Variants in KCNQ5 observed in about 807,000 individuals in gnomAD.
The protein encoded by KCNQ5 is potassium voltage-gated channel subfamily KQT member 5.
A neutral mutation model predicts 98.2 loss-of-function variants in KCNQ5; 30 were observed. The observed-to-expected ratio is 0.31, with a 90% CI of 0.23 to 0.41. The LOEUF (loss-of-function observed/expected upper bound fraction) is 0.41. Ranked by LOEUF, KCNQ5 falls within the 10% of genes least tolerant of loss-of-function variation. The probability of loss-of-function intolerance (pLI) is 1.00; values close to 1 mark genes in which losing one functional copy is unlikely to be tolerated. For missense variants in KCNQ5, 835 were observed against 1,182.5 expected (o/e 0.71, Z 4.31); for synonymous variants, 458 against 449.4 (o/e 1.02, Z -0.24).
chr6:72,757,137 T>C (rs1772012381), intron 1 of KCNQ5, among the ~76,000 whole-genome samples: 1 of 152,162 alleles, frequency 6.6e-6, no homozygotes, highest in South Asian at 2.1e-4. Flanking sequence ...TGGATTAATA[T>C]AAAGACAAAT....
intron 1 of KCNQ5, among the ~76,000 whole-genome samples, chr6:72,953,134 G>A (rs767197363): frequency 6.4e-4 from 98 of 152,276 alleles, no homozygotes; most frequent in Non-Finnish European, 1.1e-3. Flanking sequence ...ACCACATAGT[G>A]AAACAGACTT....
At chr6:73,083,794 A>C (rs1773873422) in intron 5 of KCNQ5, among the ~76,000 whole-genome samples, 2 of 152,228 alleles carry the variant, frequency 1.3e-5, no homozygotes, top group Non-Finnish European at 2.9e-5. Context: ...AGAGAATAAC[A>C]AGGCTGTCTC....
intron 1 of KCNQ5, among the ~76,000 whole-genome samples, chr6:72,684,357 T>C (rs1416894874): frequency 6.6e-6 from 1 of 152,130 alleles, no homozygotes; most frequent in East Asian, 1.9e-4. Flanking sequence ...TGTAGTAGAG[T>C]GAGAGCCTAC....
intron 1 of KCNQ5, among the ~76,000 whole-genome samples, chr6:72,670,770 A>G (rs1205808534): frequency 3.3e-5 from 5 of 152,138 alleles, no homozygotes; most frequent in African/African-American, 7.2e-5. Flanking sequence ...TTATAAGGAC[A>G]TGAATCTTAT....
intron 9 of KCNQ5, among the ~76,000 whole-genome samples, chr6:73,128,073 A>C (rs1776062842): frequency 6.6e-6 from 1 of 152,160 alleles, no homozygotes; most frequent in Non-Finnish European, 1.5e-5. Context: ...TCAAAAAATA[A>C]AAAATAAAAT....
At chr6:73,068,903 A>G (rs1186441638) in intron 3 of KCNQ5, among the ~76,000 whole-genome samples, 1 of 152,210 alleles carries the variant, frequency 6.6e-6, no homozygotes, top group Non-Finnish European at 1.5e-5. Context: ...AGTTATTCAC[A>G]TTGTTAATGG....
At chr6:73,170,669 C>T (rs1350680788) in intron 11 of KCNQ5, among the ~76,000 whole-genome samples, 1 of 152,072 alleles carries the variant, frequency 6.6e-6, no homozygotes, top group Non-Finnish European at 1.5e-5. Flanking sequence ...TGCAGTGCCT[C>T]ATGCCTGTAA....
intron 1 of KCNQ5, among the ~76,000 whole-genome samples, chr6:72,940,923 C>G (rs1286286545): frequency 6.6e-6 from 1 of 152,014 alleles, no homozygotes. Context: ...TATGCTGTAA[C>G]TCCCTGTGGG....
chr6:73,152,061 G>C (rs2150482019), intron 10 of KCNQ5, among the ~76,000 whole-genome samples: 1 of 152,164 alleles, frequency 6.6e-6, no homozygotes. Context: ...TTCTGTGGCT[G>C]TGTCTCCCAC....
intron 1 of KCNQ5, among the ~76,000 whole-genome samples, chr6:72,820,756 C>T (rs1775715812): frequency 6.6e-6 from 1 of 151,998 alleles, no homozygotes; most frequent in Non-Finnish European, 1.5e-5. Context: ...GTATCATTTC[C>T]CTCTGTAGTG....
At chr6:72,977,612 C>CT (rs1554193209) in intron 1 of KCNQ5, among the ~76,000 whole-genome samples, 2 of 152,102 alleles carry the variant, frequency 1.3e-5, no homozygotes, top group Non-Finnish European at 2.9e-5. Flanking sequence ...GGCTTGATGA[C>CT]TTTAGGGGTT....
intron 1 of KCNQ5, among the ~76,000 whole-genome samples, chr6:72,817,542 A>G (rs1374912120): frequency 6.6e-6 from 1 of 152,216 alleles, no homozygotes; most frequent in Non-Finnish European, 1.5e-5. Context: ...CAATCATGGA[A>G]CCACAATTAA....
At chr6:72,886,846 T>C (rs531856443) in intron 1 of KCNQ5, among the ~76,000 whole-genome samples, 3 of 152,198 alleles carry the variant, frequency 2.0e-5, no homozygotes, top group African/African-American at 7.2e-5. Context: ...TTTTGGTCAT[T>C]CCAAAAAATA....
At chr6:73,051,726 A>C (rs1307242142) in intron 3 of KCNQ5, among the ~76,000 whole-genome samples, 5 of 150,460 alleles carry the variant, frequency 3.3e-5, no homozygotes, top group South Asian at 2.1e-4. Flanking sequence ...AAAAAAAAAA[A>C]AAAAAAAAAA....
intron 10 of KCNQ5, chr6:73,143,495 T>G (rs1281062661): frequency 6.6e-6 from 1 of 152,208 alleles, no homozygotes; most frequent in African/African-American, 2.4e-5. Flanking sequence ...TTCCTCCCAC[T>G]GTTTCTTTTC....
At chr6:73,023,954 A>G (rs533188660) in intron 2 of KCNQ5, among the ~76,000 whole-genome samples, 53 of 152,328 alleles carry the variant, frequency 3.5e-4, no homozygotes, top group African/African-American at 1.3e-3. Flanking sequence ...AAGGGATGGA[A>G]TTCTCCAAGA....
At chr6:72,747,586 A>T (rs913001102) in intron 1 of KCNQ5, among the ~76,000 whole-genome samples, 24 of 152,130 alleles carry the variant, frequency 1.6e-4, no homozygotes, top group Non-Finnish European at 3.1e-4. Context: ...TTCATTAATC[A>T]TCTGATATTT....
intron 11 of KCNQ5, among the ~76,000 whole-genome samples, chr6:73,179,490 C>T (rs529038555): frequency 6.4e-4 from 98 of 152,300 alleles, no homozygotes; most frequent in African/African-American, 2.2e-3. Flanking sequence ...AAGTTCCACC[C>T]CTCAATACTG....
At chr6:72,811,674 G>T (rs1401116158) in intron 1 of KCNQ5, among the ~76,000 whole-genome samples, 1 of 152,170 alleles carries the variant, frequency 6.6e-6, no homozygotes, top group Non-Finnish European at 1.5e-5. Context: ...TGCCCCAGTA[G>T]ATTAAGAGCC....
Sources: gnomAD v4.1 joint callset for allele counts (sites outside exome capture counted in the v4.1 genomes callset) on GRCh38, gnomAD v4.1.1 for gene constraint, MANE v1.5 for transcripts, NCBI Gene and HGNC (gene_info 2026-07-23, HGNC 2026-07-21) for gene names.